The following CDH18 variants were observed in gnomAD, a reference collection of about 807,000 sequenced individuals.
CDH18 encodes the protein cadherin-18.
Under a neutral mutation model 67.9 loss-of-function variants are expected in CDH18, and 31 were observed. The ratio of observed to expected loss-of-function variants is 0.46; its 90% CI spans 0.34 to 0.62. The LOEUF is 0.62. Ranked by LOEUF, CDH18 falls within the 20% of genes least tolerant of loss-of-function variation. The pLI is 0.01. For synonymous variants in CDH18, 362 were observed against 347.2 expected (o/e 1.04, Z -0.48); for missense variants, 890 against 975.5 (o/e 0.91, Z 1.17).
intron 1 of CDH18, among the ~76,000 whole-genome samples, chr5:20,425,508 G>C (rs1748236191): frequency 6.6e-6 from 1 of 151,172 alleles, no homozygotes; most frequent in South Asian, 2.1e-4. Flanking sequence ...ACTGGATACA[G>C]AGTGAATCAA....
intron 1 of CDH18, among the ~76,000 whole-genome samples, chr5:20,325,927 C>A (rs1738532085): frequency 2.0e-5 from 3 of 152,174 alleles, no homozygotes; most frequent in Non-Finnish European, 2.9e-5. Flanking sequence ...ACCCTTCCCT[C>A]TTGGCTCCTG....
chr5:20,503,188 T>TA (rs1464786310), intron 1 of CDH18, among the ~76,000 whole-genome samples: 257 of 112,196 alleles, frequency 2.3e-3, no homozygotes, highest in African/African-American at 6.9e-3. Context: ...AAACACAAAT[T>TA]TAAAAAAAAA....
chr5:20,082,134 CAAA>C (rs577850481), intron 2 of CDH18, among the ~76,000 whole-genome samples: 1 of 139,706 alleles, frequency 7.2e-6, no homozygotes. Flanking sequence ...CCGATGCATT[CAAA>C]AAAAAAAAGC....
chr5:19,937,571 C>T (rs1421137984), intron 2 of CDH18, among the ~76,000 whole-genome samples: 1 of 151,424 alleles, frequency 6.6e-6, no homozygotes, highest in Non-Finnish European at 1.5e-5. Context: ...TATAACCACA[C>T]ATGCACACAT....
chr5:20,293,109 G>A (rs1039690528), intron 1 of CDH18, among the ~76,000 whole-genome samples: 1 of 152,070 alleles, frequency 6.6e-6, no homozygotes, highest in African/African-American at 2.4e-5. Context: ...CTAAGGTCAG[G>A]AGTTCAAGAC....
intron 4 of CDH18, among the ~76,000 whole-genome samples, chr5:19,741,641 G>A (rs1303603010): frequency 1.3e-5 from 2 of 151,888 alleles, no homozygotes; most frequent in Admixed American, 6.6e-5. Flanking sequence ...TAAAGTTCAC[G>A]GCATGAGCAT....
At chr5:20,112,288 A>G (rs1321349430) in intron 2 of CDH18, among the ~76,000 whole-genome samples, 1 of 152,228 alleles carries the variant, frequency 6.6e-6, no homozygotes, top group Non-Finnish European at 1.5e-5. Context: ...TTTACACTCT[A>G]AAGTAAAAAA....
intron 2 of CDH18, among the ~76,000 whole-genome samples, chr5:19,854,394 A>G (rs1222465400): frequency 6.6e-6 from 1 of 152,180 alleles, no homozygotes; most frequent in Non-Finnish European, 1.5e-5. Context: ...TGACTAATAA[A>G]TTCTACTTCT....
At chr5:20,015,653 CA>C (rs1344483167) in intron 2 of CDH18, among the ~76,000 whole-genome samples, 1 of 152,066 alleles carries the variant, frequency 6.6e-6, no homozygotes, top group Non-Finnish European at 1.5e-5. Flanking sequence ...TTATGGAGAA[CA>C]GGGTAGAGAG....
At chr5:20,018,767 C>A (rs1164683812) in intron 2 of CDH18, among the ~76,000 whole-genome samples, 1 of 151,644 alleles carries the variant, frequency 6.6e-6, no homozygotes, top group Non-Finnish European at 1.5e-5. Flanking sequence ...AAATACAAAA[C>A]CCTTAAGAGA....
At chr5:20,094,905 C>G (rs1193859727) in intron 2 of CDH18, among the ~76,000 whole-genome samples, 1 of 152,052 alleles carries the variant, frequency 6.6e-6, no homozygotes, top group East Asian at 1.9e-4. Context: ...TGGAACCAAC[C>G]AAAATGCCCA....
intron 2 of CDH18, among the ~76,000 whole-genome samples, chr5:19,865,722 C>T (rs1428290451): frequency 2.0e-5 from 3 of 152,144 alleles, no homozygotes; most frequent in South Asian, 2.1e-4. Context: ...CTCTCTTGAG[C>T]TGCAAGAGAC....
At chr5:19,840,192 C>T (rs1270462786) in intron 2 of CDH18, among the ~76,000 whole-genome samples, 2 of 147,822 alleles carry the variant, frequency 1.4e-5, no homozygotes, top group Non-Finnish European at 1.5e-5. Flanking sequence ...GGCGTGAACC[C>T]GGGAGGTGGA....
chr5:20,114,353 GA>G, intron 2 of CDH18, among the ~76,000 whole-genome samples: 1 of 152,136 alleles, frequency 6.6e-6, no homozygotes, highest in South Asian at 2.1e-4. Flanking sequence ...CATAGACTAA[GA>G]CAAGTTCAGA....
At chr5:19,540,765 G>T (rs1182933652) in intron 9 of CDH18, among the ~76,000 whole-genome samples, 3 of 152,140 alleles carry the variant, frequency 2.0e-5, no homozygotes, top group Non-Finnish European at 4.4e-5. Context: ...TACCTAGGCT[G>T]CACACAGCAG....
intron 2 of CDH18, among the ~76,000 whole-genome samples, chr5:20,007,664 G>A (rs4866164): frequency 0.99 from 149,505 of 150,300 alleles, 74,365 homozygotes; most frequent in Middle Eastern, 1. Context: ...GAAGTGCAGT[G>A]TGTGGAAAGT....
intron 5 of CDH18, among the ~76,000 whole-genome samples, chr5:19,684,980 G>A (rs935800146): frequency 6.6e-5 from 10 of 152,008 alleles, no homozygotes; most frequent in African/African-American, 2.4e-4. Flanking sequence ...AAGGAATATT[G>A]TAGGGATAAA....
At chr5:20,484,316 T>C (rs759124620) in intron 1 of CDH18, among the ~76,000 whole-genome samples, 1 of 152,072 alleles carries the variant, frequency 6.6e-6, no homozygotes, top group Non-Finnish European at 1.5e-5. Flanking sequence ...AGAATCTTTG[T>C]ACACTGTTGG....
At chr5:20,515,041 TC>T (rs1755275117) in intron 1 of CDH18, among the ~76,000 whole-genome samples, 2 of 150,050 alleles carry the variant, frequency 1.3e-5, no homozygotes, top group South Asian at 4.2e-4. Context: ...TATATGAACA[TC>T]AATAAGAGAA....
Sources: gnomAD v4.1 joint callset for allele counts (sites outside exome capture counted in the v4.1 genomes callset) on GRCh38, gnomAD v4.1.1 for gene constraint, MANE v1.5 for transcripts, NCBI Gene and HGNC (gene_info 2026-07-23, HGNC 2026-07-21) for gene names.